NPEPPS: variants seen among roughly 807,000 people sequenced by gnomAD.
NPEPPS encodes the protein puromycin-sensitive aminopeptidase.
NPEPPS carries 14 observed loss-of-function variants against 115.5 expected under a neutral mutation model. The ratio of observed to expected loss-of-function variants is 0.12; its 90% CI spans 0.08 to 0.19. The LOEUF is 0.19. Ranked by LOEUF, NPEPPS falls within the 10% of genes least tolerant of loss-of-function variation. The pLI is 1.00. For missense variants in NPEPPS, 523 were observed against 1,110.8 expected (o/e 0.47, Z 7.52); for synonymous variants, 285 against 390.6 (o/e 0.73, Z 3.19).
upstream of NPEPPS, among the ~76,000 whole-genome samples, chr17:47,529,961 G>T (rs1907616942): frequency 7.3e-6 from 1 of 136,292 alleles, no homozygotes; most frequent in African/African-American, 2.6e-5. Context: ...TTTTGAGACA[G>T]AGTCTCACTC....
intron 3 of NPEPPS, among the ~76,000 whole-genome samples, chr17:47,572,772 G>A (rs1320427496): frequency 6.6e-6 from 1 of 152,132 alleles, no homozygotes; most frequent in African/African-American, 2.4e-5. Flanking sequence ...AATGGGAAGA[G>A]GATTTTTTTA....
At chr17:47,609,084 T>C (rs979005989) in intron 17 of NPEPPS, among the ~76,000 whole-genome samples, 2 of 152,150 alleles carry the variant, frequency 1.3e-5, no homozygotes, top group Middle Eastern at 3.4e-3. Flanking sequence ...ATTTTTTAAG[T>C]TGGGAGATTT....
chr17:47,569,350 G>A (rs1597847569), intron 2 of NPEPPS, 67 bp from the exon 3 acceptor site: 2 of 991,848 alleles, frequency 2.0e-6, no homozygotes, highest in East Asian at 2.5e-5. Flanking sequence ...TCTTGAAAAT[G>A]TTGCAGTCTT....
At chr17:47,591,007 A>T (rs146117375) in intron 10 of NPEPPS, 126 bp downstream of exon 10, 38,549 of 1,361,162 alleles carry the variant, frequency 0.028, 1,274 homozygotes, top group African/African-American at 0.12. Flanking sequence ...TTACTGGTTC[A>T]TATTTCTAGT....
rs369577595 is a variant in NPEPPS, at chr17:47,605,467, C to A, written c.2010C>A (p.Asp670Glu). 5 of 1,608,142 alleles carry A rather than the reference C, an allele frequency of 3.1e-6. No individual in the cohort carries two copies. The highest frequency in any genetic ancestry group is 4.2e-6 in the Non-Finnish European group (5 of 1,177,074). Reference protein sequence around the residue: ...GILSTLLSHTDFYEEIQEFVK... With the variant: ...GILSTLLSHTEFYEEIQEFVK... ...TCTCAACTCTCTTGTCCCACACAGA[C>A]TTCTATGAGGAAATCCAGGAGTTTG... Residue 670 changes from aspartate (D) to glutamate (E), a missense_variant, in exon 17 of 23, where the codon GAC becomes GAA. Asp to Glu is a conservative substitution (Grantham distance 45). Transcript: ENST00000322157.
At position 47,590,862 on chromosome 17, in the gene NPEPPS, A is replaced by T. The variant is rs759593353; in HGVS notation, c.1241A>T (p.Asp414Val). 6.3e-7 allele frequency: 1 copy of T among 1,589,560 alleles called. No individual in the cohort carries two copies. The change falls in exon 10 of 23, where the codon GAT becomes GTT. Residue 414 changes from aspartate to valine, a missense_variant. Asp to Val is a radical substitution (Grantham distance 152). Coordinates refer to ENST00000322157, the MANE Select transcript of NPEPPS (RefSeq NM_006310.4). ...YTRAQELDAL[D>V]NSHPIEVSVG... The stretch of plus-strand genomic sequence containing the variant: ...CGTGCCCAGGAGCTTGACGCCTTAG[A>T]TAACAGCCATCCTATTGAAGTGAGC...
At chr17:47,550,227 C>G (rs1458124481) in intron 2 of NPEPPS, among the ~76,000 whole-genome samples, 1 of 151,858 alleles carries the variant, frequency 6.6e-6, no homozygotes, top group East Asian at 1.9e-4. Context: ...GCCACCGTGC[C>G]TAGCCAATTG....
At chr17:47,601,816 C>A in intron 15 of NPEPPS, 69 bp downstream of exon 15, 1 of 1,479,920 alleles carries the variant, frequency 6.8e-7, no homozygotes, top group Non-Finnish European at 9.2e-7. Context: ...TTAAATTCTG[C>A]TTCAGTTTAG....
intron 3 of NPEPPS, among the ~76,000 whole-genome samples, chr17:47,578,559 A>G (rs1386929613): frequency 6.6e-6 from 1 of 152,134 alleles, no homozygotes; most frequent in Non-Finnish European, 1.5e-5. Flanking sequence ...AAGTATATGA[A>G]CTCAAAAAAG....
intron 2 of NPEPPS, among the ~76,000 whole-genome samples, chr17:47,553,286 T>C (rs1353369569): frequency 6.6e-6 from 1 of 151,302 alleles, no homozygotes; most frequent in African/African-American, 2.4e-5. Context: ...GGTGGGAGAA[T>C]TGCTTGAACC....
chr17:47,552,372 A>G (rs1334802700), intron 2 of NPEPPS, among the ~76,000 whole-genome samples: 1 of 152,222 alleles, frequency 6.6e-6, no homozygotes, highest in African/African-American at 2.4e-5. Flanking sequence ...ACTGGAGCCA[A>G]ATAAAGAAAT....
intron 1 of NPEPPS, among the ~76,000 whole-genome samples, chr17:47,538,499 C>CCA (rs1042855938): frequency 2.7e-5 from 4 of 150,510 alleles, no homozygotes; most frequent in Non-Finnish European, 5.9e-5. Context: ...CAGGCATGAA[C>CCA]CACCGCGCCT....
At chr17:47,543,811 G>T (rs1238559741) in intron 1 of NPEPPS, among the ~76,000 whole-genome samples, 3 of 152,080 alleles carry the variant, frequency 2.0e-5, no homozygotes, top group African/African-American at 7.2e-5. Context: ...CCACTATTAG[G>T]TTCCTTTCCA....
chr17:47,585,686 A>C lies in NPEPPS; in HGVS notation c.835A>C (p.Lys279Gln). The C allele has an allele frequency of 6.2e-7, 1 of 1,613,742 alleles. No homozygotes were observed. Among genetic ancestry groups the C allele is most frequent in the Non-Finnish European group, 8.5e-7 (1 of 1,179,662 alleles). The change falls in exon 6 of 23, where the codon AAA (lysine) becomes CAA (glutamine). Residue 279 changes from lysine to glutamine, a missense_variant. Lys to Gln is a moderately conservative substitution (Grantham distance 53). Around this residue, in one of 4 missense-constraint regions of NPEPPS, gnomAD observed 144 missense variants for 512.4 expected, o/e 0.28. Transcript: ENST00000322157. The part of the protein sequence containing the change: ...YTPVGKAEQG[K>Q]FALEVAAKTL... ...TCCTGTTGGCAAAGCAGAGCAAGGA[A>C]AATTTGCGTTAGAGGTAAATGTACT...
chr17:47,564,394 A>G (rs921144006), intron 2 of NPEPPS, among the ~76,000 whole-genome samples: 1 of 151,866 alleles, frequency 6.6e-6, no homozygotes, highest in African/African-American at 2.4e-5. Flanking sequence ...GAATTAGGTA[A>G]TGATATGATT....
intron 20 of NPEPPS, 37 bp downstream of exon 20, chr17:47,618,494 G>A (rs764157306): frequency 2.9e-5 from 40 of 1,361,488 alleles, no homozygotes; most frequent in Non-Finnish European, 4.2e-5. Flanking sequence ...GAAGTGAATC[G>A]TTACCCATCT....
intron 2 of NPEPPS, among the ~76,000 whole-genome samples, chr17:47,556,279 TGACTCTTAAC>T (rs1269199810): frequency 4.6e-5 from 7 of 151,512 alleles, no homozygotes; most frequent in African/African-American, 1.7e-4. Context: ...GGAGTGGTGA[TGACTCTTAAC>T]GAGCATGCTA....
chr17:47,555,874 A>T (rs1337711799), intron 2 of NPEPPS, among the ~76,000 whole-genome samples: 6 of 151,444 alleles, frequency 4.0e-5, no homozygotes, highest in Non-Finnish European at 8.8e-5. Context: ...CCATGTTTGG[A>T]TCTGCCACAG....
intron 13 of NPEPPS, among the ~76,000 whole-genome samples, chr17:47,597,170 T>C (rs543011467): frequency 8.7e-4 from 42 of 48,154 alleles, no homozygotes; most frequent in African/African-American, 1.9e-3. Context: ...TACCCACTTA[T>C]AATATCAATT....
Sources: allele counts gnomAD v4.1 joint callset (sites outside exome capture counted in the v4.1 genomes callset), GRCh38; gene constraint gnomAD v4.1.1; regional missense constraint gnomAD v4.1.1; transcripts MANE v1.5; gene names NCBI Gene and HGNC (gene_info 2026-07-23, HGNC 2026-07-21).